MYO15A: variants seen among roughly 807,000 people sequenced by gnomAD.
MYO15A encodes unconventional myosin-XV.
A neutral mutation model predicts 394.6 loss-of-function variants in MYO15A; 308 were observed. The ratio of observed to expected loss-of-function variants is 0.78; its 90% CI spans 0.71 to 0.86. MYO15A has a LOEUF of 0.86. Ranked by LOEUF, MYO15A falls within the 40% of genes least tolerant of loss-of-function variation. The probability of loss-of-function intolerance (pLI) is 0.00; values close to 1 mark genes in which losing one functional copy is unlikely to be tolerated. For missense variants in MYO15A, 4,606 were observed against 4,799.1 expected (o/e 0.96, Z 1.19); for synonymous variants, 1,957 against 2,003.8 (o/e 0.98, Z 0.62).
Position 18,119,288 on chromosome 17 carries a change from C to G in MYO15A, c.488C>G (p.Ser163Trp). 6.2e-7 allele frequency: 1 copy of G among 1,611,726 alleles called. No individual in the cohort carries two copies. Among genetic ancestry groups the G allele is most frequent in the Non-Finnish European group, 8.5e-7 (1 of 1,179,790 alleles). ...ACAGTGGACGCCTGGCTGCAGCGCT[C>G]GAGCTCCCGCATGGGCTCCCGCAAA... Reference protein sequence around the residue: ...QATVDAWLQRSSSRMGSRKLP... With the variant: ...QATVDAWLQRWSSRMGSRKLP... Residue 163 changes from serine to tryptophan, a missense_variant, in exon 2 of 66, where the codon TCG (serine) becomes TGG (tryptophan). Coordinates refer to ENST00000647165, the MANE Select transcript of MYO15A (RefSeq NM_016239.4).
intron 7 of MYO15A, among the ~76,000 whole-genome samples, chr17:18,130,415 G>T (rs1030365808): frequency 1.3e-5 from 2 of 151,874 alleles, no homozygotes; most frequent in Non-Finnish European, 2.9e-5. Context: ...TAAGGGGTTG[G>T]GGGGTGGGGC....
intron 12 of MYO15A, among the ~76,000 whole-genome samples, chr17:18,134,239 C>A (rs1181688393): frequency 1.3e-5 from 2 of 152,176 alleles, no homozygotes. Flanking sequence ...CCGCCCACCT[C>A]GGCCTCCCAA....
chr17:18,159,170 G>A, intron 53 of MYO15A, 105 bp from the exon 54 acceptor site: 1 of 1,451,576 alleles, frequency 6.9e-7, no homozygotes, highest in Non-Finnish European at 9.6e-7. Flanking sequence ...CTCCCCTTTT[G>A]TGACGTGGAC....
At chr17:18,142,918 C>T (rs2046407904) in intron 25 of MYO15A, 78 bp downstream of exon 25, 8 of 1,357,736 alleles carry the variant, frequency 5.9e-6, no homozygotes, top group Non-Finnish European at 7.2e-6. Flanking sequence ...GAGGAGACTA[C>T]TGGCCTCAGG....
rs201119351 is a variant in MYO15A, at chr17:18,151,186, C to T, written c.7550C>T (p.Thr2517Ile). 71 of 1,614,004 alleles carry T rather than the reference C, an allele frequency of 4.4e-5. No homozygotes were observed. Among genetic ancestry groups the T allele is most frequent in the Non-Finnish European group, 5.0e-5 (59 of 1,180,028 alleles). Residue 2517 changes from threonine to isoleucine, a missense_variant, in exon 39 of 66, where the codon ACT becomes ATT. Physicochemically the swap from Thr to Ile is moderately conservative, Grantham distance 89 (BLOSUM62 -1). This residue lies in a region of MYO15A where 2,776 missense variants were observed against 3,109.3 expected (regional missense o/e 0.89). Coordinates refer to ENST00000647165, the MANE Select transcript of MYO15A (RefSeq NM_016239.4). ...PPAKPVLLRA[T>I]PKPLAPAPLA... ...GCCAAACCCGTGCTCCTGCGTGCCA[C>T]TCCAAAGCCCTTGGCCCCAGCCCCT...
At chr17:18,158,173 CG>C (rs2046714420) in intron 51 of MYO15A, 1 of 594,554 alleles carries the variant, frequency 1.7e-6, no homozygotes. Context: ...TCAGACCAGC[CG>C]GGGCCCGCCA....
chr17:18,154,907 C>T (rs970510070), intron 45 of MYO15A, 152 bp downstream of exon 45: 93 of 1,030,242 alleles, frequency 9.0e-5, no homozygotes, highest in Admixed American at 8.5e-4. Flanking sequence ...CTCGCATGGC[C>T]GGGCTGCATG....
At chr17:18,133,427 T>C (rs752024479) in intron 12 of MYO15A, 41 bp downstream of exon 12, 2 of 1,606,528 alleles carry the variant, frequency 1.2e-6, no homozygotes, top group Non-Finnish European at 1.7e-6. Context: ...CCGCACCCTC[T>C]GGACTTGGCC....
At chr17:18,116,396 A>T (rs1597743916) in intron 1 of MYO15A, among the ~76,000 whole-genome samples, 1 of 152,222 alleles carries the variant, frequency 6.6e-6, no homozygotes, top group Non-Finnish European at 1.5e-5. Flanking sequence ...GTAGCTCTGG[A>T]CTCGGCCAGG....
rs1210898841 is a variant in MYO15A, at chr17:18,132,594, C to T, written c.4320+28C>T. 1 of 1,585,256 alleles carries T rather than the reference C, an allele frequency of 6.3e-7. No individual in the cohort carries two copies. Among genetic ancestry groups the T allele is most frequent in the Non-Finnish European group, 8.6e-7 (1 of 1,161,562 alleles). Reference sequence around the variant, plus strand: ...GAGTGCCAGCAGGCATCTGAAGGCCCCTGGCCCTGGTCCTCCCACCCCGAC... The same window carrying T: ...GAGTGCCAGCAGGCATCTGAAGGCCTCTGGCCCTGGTCCTCCCACCCCGAC... On this transcript the variant is annotated intron_variant, in intron 11 of 65. Transcript: ENST00000647165. The surrounding 1 kb of genome is among the most constrained non-coding windows in gnomAD (Gnocchi z 4.6).
At chr17:18,127,496 T>C (rs2046070771) in intron 7 of MYO15A, among the ~76,000 whole-genome samples, 2 of 152,152 alleles carry the variant, frequency 1.3e-5, no homozygotes, top group Admixed American at 1.3e-4. Flanking sequence ...TTCCTGGTCA[T>C]GGCCCTGGGG....
rs762513569 is a variant in MYO15A, at chr17:18,166,387, C to T, written c.9814C>T (p.Arg3272Cys). Residue 3272 changes from arginine (R) to cysteine (C), a missense_variant, in exon 61 of 66, where the codon CGT (arginine) becomes TGT (cysteine). Around this residue, in one of 2 missense-constraint regions of MYO15A, gnomAD observed 2,776 missense variants for 3,109.3 expected, o/e 0.89. Coordinates refer to ENST00000647165, the MANE Select transcript of MYO15A (RefSeq NM_016239.4). The part of the protein sequence containing the change: ...RGQHVCPLSR[R>C]AYILDVASEM... ...CCAGCATGTGTGCCCACTCAGTCGC[C>T]GTGCTTACATCCTGGATGTGGCCTC... 1.2e-5 allele frequency: 20 copies of T among 1,613,622 alleles called. No homozygotes were observed. Among genetic ancestry groups the T allele is most frequent in the South Asian group, 1.1e-5 (1 of 91,078 alleles).
In MYO15A at chr17:18,153,758, A is replaced by G. The variant is rs2046626049; in HGVS notation, c.7967-17A>G. Reference sequence around the variant, plus strand: ...CGAGGTGCCTTCTCCTGACTCCCTGATCCCCGCGCTCTCCAGCTCTGCCCT... The same window carrying G: ...CGAGGTGCCTTCTCCTGACTCCCTGGTCCCCGCGCTCTCCAGCTCTGCCCT... On this transcript the variant is annotated splice_polypyrimidine_tract_variant and intron_variant, in intron 42 of 65. Transcript: ENST00000647165. The surrounding 1 kb of genome is among the most constrained non-coding windows in gnomAD (Gnocchi z 4.1). 1.9e-6 allele frequency: 3 copies of G among 1,612,954 alleles called. No individual in the cohort carries two copies.
In MYO15A at chr17:18,126,355, T is replaced by G. The variant is rs2046040419; in HGVS notation, c.3765T>G (p.Ile1255Met). 6.2e-7 allele frequency: 1 copy of G among 1,613,694 alleles called. No homozygotes were observed. Residue 1255 changes from isoleucine to methionine, a missense_variant, in exon 5 of 66, where the codon ATT becomes ATG. Physicochemically the swap from Ile to Met is conservative, Grantham distance 10. This residue lies in a region of MYO15A where 2,776 missense variants were observed against 3,109.3 expected (regional missense o/e 0.89). Coordinates refer to ENST00000647165, the MANE Select transcript of MYO15A (RefSeq NM_016239.4). Reference sequence around the variant, plus strand: ...CACCGTCTGCCCAGCAGACATACATTGGGAGCATCCTGGTGTCGGTGAACC... The same window carrying G: ...CACCGTCTGCCCAGCAGACATACATGGGGAGCATCCTGGTGTCGGTGAACC... ...RFERNLIYTYIGSILVSVNPY... is the reference protein window; with the variant it reads ...RFERNLIYTYMGSILVSVNPY...
chr17:18,149,967 A>AAG (rs1555545849), intron 35 of MYO15A: 3 of 313,694 alleles, frequency 9.6e-6, no homozygotes, highest in East Asian at 1.5e-4. Context: ...AAAAAAAAAA[A>AAG]AAAAGAAAGG....
rs1365097671 is a variant in MYO15A, at chr17:18,124,493, T to C, written c.3620T>C (p.Ile1207Thr). The change falls in exon 3 of 66, where the codon ATC becomes ACC. Residue 1207 changes from isoleucine to threonine, a missense_variant. By Grantham distance (89) the Ile-to-Thr change is moderately conservative. Around this residue, in one of 2 missense-constraint regions of MYO15A, gnomAD observed 2,776 missense variants for 3,109.3 expected, o/e 0.89. Coordinates refer to ENST00000647165, the MANE Select transcript of MYO15A (RefSeq NM_016239.4). ...CTCTCTCTCACACAGATGCACTCCA[T>C]CCGCAACCTGCCATCCATGCGGTTC... is the stretch of plus-strand genomic sequence containing the variant. The part of the protein sequence containing the change: ...PPSWRNKMHS[I>T]RNLPSMRFRE... 3.7e-6 allele frequency: 6 copies of C among 1,612,148 alleles called. No individual in the cohort carries two copies. The highest frequency in any genetic ancestry group is 3.3e-4 in the Middle Eastern group (2 of 6,062).
chr17:18,126,671 C>A, intron 5 of MYO15A, 120 bp from the exon 6 acceptor site: 1 of 1,271,004 alleles, frequency 7.9e-7, no homozygotes, highest in Non-Finnish European at 1.1e-6. Flanking sequence ...AGCATTCCCC[C>A]AACAGGGTGA....
Position 18,147,160 on chromosome 17 carries a change from T to G in MYO15A, c.6510-869T>G, listed in dbSNP as rs909518201. 6.6e-6 allele frequency among the ~76,000 whole-genome samples: 1 copy of G among 152,210 alleles called. No homozygotes were observed. Among genetic ancestry groups the G allele is most frequent in the African/African-American group, 2.4e-5 (1 of 41,442 alleles). ...TCTGATACTTACCTGCTGTGTGGCC[T>G]GAGACAAGTCACTGTCCCTCTCTGA... On this transcript the variant is annotated intron_variant, in intron 30 of 65. Coordinates refer to ENST00000647165, the MANE Select transcript of MYO15A (RefSeq NM_016239.4). The surrounding 1 kb of genome is among the most constrained non-coding windows in gnomAD (Gnocchi z 4.4).
At chr17:18,142,990 ATCC>A in intron 25 of MYO15A, 150 bp downstream of exon 25, 1 of 743,512 alleles carries the variant, frequency 1.3e-6, no homozygotes, top group Non-Finnish European at 2.4e-6. Flanking sequence ...GCCATTGTCT[ATCC>A]TCGATTTTCC....
Sources: gnomAD v4.1 joint callset for allele counts (sites outside exome capture counted in the v4.1 genomes callset) on GRCh38, gnomAD v4.1.1 for gene constraint, gnomAD v4.1.1 regional missense constraint, Gnocchi (gnomAD v3.1) non-coding constraint, MANE v1.5 for transcripts, NCBI Gene and HGNC (gene_info 2026-07-23, HGNC 2026-07-21) for gene names.